FGGY: variants seen among roughly 807,000 people sequenced by gnomAD.
FGGY encodes FGGY carbohydrate kinase domain containing, also known as FGGY carbohydrate kinase domain-containing protein.
FGGY carries 72 observed loss-of-function variants against 71.3 expected under a neutral mutation model. That is an observed-to-expected ratio of 1.01 (90% CI 0.84 to 1.23). The LOEUF (loss-of-function observed/expected upper bound fraction) is 1.23, where lower values mean the gene tolerates loss of function less well. Ranked by LOEUF, FGGY falls within the 50% of genes most tolerant of loss-of-function variation. FGGY has a pLI of 0.00. For missense variants in FGGY, 668 were observed against 682.3 expected, an observed-to-expected ratio of 0.98 and a Z score of 0.23; for synonymous variants, 251 against 250.3, an observed-to-expected ratio of 1.00 and a Z score of -0.02.
intron 8 of FGGY, among the ~76,000 whole-genome samples, chr1:59,561,795 CAG>C (rs1318147423): frequency 6.6e-6 from 1 of 152,106 alleles, no homozygotes; most frequent in African/African-American, 2.4e-5. Flanking sequence ...GAAGACTGAC[CAG>C]AGAGTCCTTC....
chr1:59,644,619 C>T (rs188583030), intron 11 of FGGY, among the ~76,000 whole-genome samples: 7 of 150,678 alleles, frequency 4.6e-5, no homozygotes, highest in African/African-American at 1.7e-4. Flanking sequence ...ACAGACACGC[C>T]CCCCCCCACC....
chr1:59,722,732 G>T (rs1933210), intron 14 of FGGY, among the ~76,000 whole-genome samples: 102,692 of 152,110 alleles, frequency 0.68, 34,851 homozygotes, highest in Admixed American at 0.75. Flanking sequence ...TAGGCTAATT[G>T]TGCATATTTC....
At chr1:59,475,914 T>TA (rs1572654751) in intron 6 of FGGY, among the ~76,000 whole-genome samples, 1 of 152,202 alleles carries the variant, frequency 6.6e-6, no homozygotes, top group East Asian at 1.9e-4. Flanking sequence ...ATTCCTCCAG[T>TA]GGCTCCCCAT....
intron 7 of FGGY, among the ~76,000 whole-genome samples, chr1:59,533,149 C>CAA (rs2095203342): frequency 6.6e-6 from 1 of 152,170 alleles, no homozygotes; most frequent in Non-Finnish European, 1.5e-5. Flanking sequence ...GTGGGTGCCG[C>CAA]GCACCATGCA....
intron 6 of FGGY, among the ~76,000 whole-genome samples, chr1:59,487,430 G>T (rs2093689103): frequency 6.6e-6 from 1 of 152,116 alleles, no homozygotes; most frequent in Non-Finnish European, 1.5e-5. Flanking sequence ...ATTCCATGAG[G>T]GCAGGGGCCA....
chr1:59,701,584 C>T (rs2154019373), intron 14 of FGGY, among the ~76,000 whole-genome samples: 1 of 152,208 alleles, frequency 6.6e-6, no homozygotes. Flanking sequence ...CATAAAATAG[C>T]ATCATACAGT....
intron 14 of FGGY, among the ~76,000 whole-genome samples, chr1:59,727,470 T>TA (rs1436140641): frequency 1.3e-5 from 2 of 152,148 alleles, no homozygotes; most frequent in African/African-American, 4.8e-5. Flanking sequence ...TATTCACAGT[T>TA]AAAATGAATT....
chr1:59,496,949 G>A (rs1289083546), intron 6 of FGGY, among the ~76,000 whole-genome samples: 2 of 152,134 alleles, frequency 1.3e-5, no homozygotes, highest in Non-Finnish European at 2.9e-5. Flanking sequence ...ACTCCTCTGG[G>A]AAACACTGAT....
chr1:59,325,706 CAAAG>C (rs1333065670), intron 2 of FGGY, among the ~76,000 whole-genome samples: 1 of 152,184 alleles, frequency 6.6e-6, no homozygotes, highest in African/African-American at 2.4e-5. Flanking sequence ...GAGCTAAAAA[CAAAG>C]AGACAAAATC....
At chr1:59,509,267 C>T (rs2094463562) in intron 6 of FGGY, among the ~76,000 whole-genome samples, 1 of 152,228 alleles carries the variant, frequency 6.6e-6, no homozygotes. Context: ...TCTGTTTCTA[C>T]ATCTCCGTTA....
At chr1:59,335,580 A>G (rs1434374217) in intron 2 of FGGY, among the ~76,000 whole-genome samples, 1 of 152,118 alleles carries the variant, frequency 6.6e-6, no homozygotes, top group African/African-American at 2.4e-5. Context: ...AATATTTTGT[A>G]TTGAAGTTGC....
chr1:59,737,339 AC>A (rs1339880072), intron 14 of FGGY, among the ~76,000 whole-genome samples: 1 of 152,148 alleles, frequency 6.6e-6, no homozygotes, highest in Non-Finnish European at 1.5e-5. Context: ...TGACCTCCAG[AC>A]CCCAGAATGG....
At chr1:59,663,702 G>T (rs903994048) in intron 12 of FGGY, among the ~76,000 whole-genome samples, 3 of 152,050 alleles carry the variant, frequency 2.0e-5, no homozygotes, top group Non-Finnish European at 4.4e-5. Context: ...CCTTTTTTGT[G>T]GAGTCAAGTG....
At chr1:59,487,091 A>G (rs959896838) in intron 6 of FGGY, among the ~76,000 whole-genome samples, 19 of 152,156 alleles carry the variant, frequency 1.2e-4, no homozygotes, top group African/African-American at 4.3e-4. Flanking sequence ...AGAACTGTAC[A>G]TAGTGGAGGT....
chr1:59,486,228 G>A (rs1047808527), intron 6 of FGGY, among the ~76,000 whole-genome samples: 2 of 152,170 alleles, frequency 1.3e-5, no homozygotes, highest in Non-Finnish European at 2.9e-5. Flanking sequence ...GAACACTTAA[G>A]AAGAGCCAAG....
At chr1:59,709,466 T>TCACACACACACACA (rs111353878) in intron 14 of FGGY, among the ~76,000 whole-genome samples, 88 of 142,770 alleles carry the variant, frequency 6.2e-4, no homozygotes, top group African/African-American at 1.9e-3. Context: ...TGAAACTATA[T>TCACACACACACACA]CACACACACA....
At chr1:59,521,307 G>A (rs187186231) in intron 7 of FGGY, among the ~76,000 whole-genome samples, 1 of 152,234 alleles carries the variant, frequency 6.6e-6, no homozygotes, top group Non-Finnish European at 1.5e-5. Flanking sequence ...GAGCATACGT[G>A]GGGGGAAGGA....
chr1:59,316,984 G>A (rs149877482), intron 1 of FGGY, among the ~76,000 whole-genome samples: 3 of 152,064 alleles, frequency 2.0e-5, no homozygotes, highest in Admixed American at 6.6e-5. Context: ...TTCATAATGC[G>A]GTCTTTGGAG....
At chr1:59,331,694 G>A (rs2048515465) in intron 2 of FGGY, 1 of 151,976 alleles carries the variant, frequency 6.6e-6, no homozygotes, top group African/African-American at 2.4e-5. Flanking sequence ...ATCTCCAAAA[G>A]AGCAAGGATT....
Sources: gnomAD v4.1 joint callset for allele counts (sites outside exome capture counted in the v4.1 genomes callset) on GRCh38, gnomAD v4.1.1 for gene constraint, MANE v1.5 for transcripts, NCBI Gene and HGNC (gene_info 2026-07-23, HGNC 2026-07-21) for gene names.